The following FSTL4 variants were observed in gnomAD, a reference collection of about 807,000 sequenced individuals.
FSTL4 encodes follistatin like 4.
Under a neutral mutation model 78.2 loss-of-function variants are expected in FSTL4, and 28 were observed. The ratio of observed to expected loss-of-function variants is 0.36; its 90% CI spans 0.27 to 0.49. The LOEUF (loss-of-function observed/expected upper bound fraction) is 0.49, where lower values mean the gene tolerates loss of function less well. Ranked by LOEUF, FSTL4 falls within the 20% of genes least tolerant of loss-of-function variation. The probability of loss-of-function intolerance (pLI) is 0.98; values close to 1 mark genes in which losing one functional copy is unlikely to be tolerated. For missense variants in FSTL4, 922 were observed against 1,084.9 expected, an observed-to-expected ratio of 0.85 and a Z score of 2.11; for synonymous variants, 422 against 440.5, an observed-to-expected ratio of 0.96 and a Z score of 0.53.
rs1327750836 is a variant in FSTL4 at position 133,225,682 on chromosome 5, T to C, written c.1153A>G (p.Met385Val). The change falls in exon 9 of 16, where the codon ATG (methionine) becomes GTG (valine). Residue 385 changes from methionine to valine, a missense_variant. Coordinates refer to ENST00000265342, the MANE Select transcript of FSTL4 (RefSeq NM_015082.2). The surrounding 1 kb of genome is among the most constrained non-coding windows in gnomAD (Gnocchi z 4.6). ...CCTAAAAGGGAGAGCTGTTTGGACA[T>C]CTGAGTTGAGACATCCACGCCGTTT... ...LKNGVDVSTQ[M>V]SKQLSLLANG... is the part of the protein sequence containing the mutation. 1 of 1,607,286 alleles carries C rather than the reference T, an allele frequency of 6.2e-7. No individual in the cohort carries two copies. Among genetic ancestry groups the C allele is most frequent in the Admixed American group, 1.7e-5 (1 of 58,962 alleles).
At chr5:133,706,608 T>G in the FSTL4 span, among the ~76,000 whole-genome samples, 1 of 152,232 alleles carries the variant, frequency 6.6e-6, no homozygotes, top group East Asian at 1.9e-4. Context: ...GTGACAGACC[T>G]TTCCAACTGC....
the FSTL4 span, among the ~76,000 whole-genome samples, chr5:133,686,461 T>A: frequency 6.6e-6 from 1 of 152,246 alleles, no homozygotes. Flanking sequence ...CACGAATCAG[T>A]CAGGCCCATC....
chr5:133,679,869 A>T, the FSTL4 span, among the ~76,000 whole-genome samples: 1 of 151,994 alleles, frequency 6.6e-6, no homozygotes, highest in African/African-American at 2.4e-5. Context: ...TACCCCTGGC[A>T]CTATACCTCC....
At chr5:133,776,562 C>T in the FSTL4 span, among the ~76,000 whole-genome samples, 1 of 152,222 alleles carries the variant, frequency 6.6e-6, no homozygotes, top group East Asian at 1.9e-4. Context: ...TATCTTTTTT[C>T]CTGGTAAGAT....
chr5:133,523,428 AAGGGAAAACCAGCCAGC>A (rs1759026210), intron 3 of FSTL4, among the ~76,000 whole-genome samples: 1 of 152,076 alleles, frequency 6.6e-6, no homozygotes, highest in African/African-American at 2.4e-5. Flanking sequence ...GTGGGAGAGA[AAGGGAAAACCAGCCAGC>A]AGGGAAAACC....
intron 2 of FSTL4, among the ~76,000 whole-genome samples, chr5:133,577,192 G>A (rs1348489734): frequency 2.6e-5 from 4 of 152,196 alleles, no homozygotes; most frequent in South Asian, 4.1e-4. Flanking sequence ...CCCTAAACCC[G>A]GGGCTAGTTT....
At chr5:133,674,026 A>G in the FSTL4 span, among the ~76,000 whole-genome samples, 1 of 152,218 alleles carries the variant, frequency 6.6e-6, no homozygotes, top group Non-Finnish European at 1.5e-5. Flanking sequence ...AATCACTGAA[A>G]TGATAATTAC....
chr5:133,259,530 T>C (rs1163679045), intron 6 of FSTL4, among the ~76,000 whole-genome samples: 2 of 150,704 alleles, frequency 1.3e-5, no homozygotes, highest in Non-Finnish European at 3.0e-5. Context: ...TTTTTTTTTT[T>C]TTTTTTGAGG....
At chr5:133,599,978 T>A (rs540521025) in intron 2 of FSTL4, among the ~76,000 whole-genome samples, 1 of 152,162 alleles carries the variant, frequency 6.6e-6, no homozygotes, top group Admixed American at 6.5e-5. Context: ...GTTCCTTGGT[T>A]CCCCCTCAAA....
At chr5:133,713,496 AT>A in the FSTL4 span, among the ~76,000 whole-genome samples, 2 of 152,206 alleles carry the variant, frequency 1.3e-5, no homozygotes, top group African/African-American at 4.8e-5. Flanking sequence ...AGAACTTGAG[AT>A]TGAAAGAGGG....
chr5:133,387,006 A>C (rs1420673399), intron 4 of FSTL4, among the ~76,000 whole-genome samples: 3 of 152,042 alleles, frequency 2.0e-5, no homozygotes, highest in South Asian at 2.1e-4. Flanking sequence ...CCTTTAGGGG[A>C]GTGAGAGTTT....
chr5:133,238,993 G>A (rs933119495), intron 7 of FSTL4, among the ~76,000 whole-genome samples: 1 of 152,230 alleles, frequency 6.6e-6, no homozygotes, highest in African/African-American at 2.4e-5. Context: ...GGTGTGGAGA[G>A]GCGCGGGCGG....
At chr5:133,420,612 A>C (rs1229660630) in intron 3 of FSTL4, among the ~76,000 whole-genome samples, 1 of 152,136 alleles carries the variant, frequency 6.6e-6, no homozygotes, top group East Asian at 1.9e-4. Flanking sequence ...CCTGACCTCA[A>C]ATGATGGTGC....
chr5:133,593,260 C>T (rs1437071252), intron 2 of FSTL4, among the ~76,000 whole-genome samples: 2 of 152,072 alleles, frequency 1.3e-5, no homozygotes, highest in Non-Finnish European at 2.9e-5. Flanking sequence ...AATGAGCACC[C>T]ACATCCTCTA....
intron 6 of FSTL4, chr5:133,312,420 G>A: frequency 1.8e-6 from 1 of 550,132 alleles, no homozygotes; most frequent in South Asian, 2.2e-5. Context: ...GCCCCTCAAA[G>A]AGCGAGAAAA....
intron 6 of FSTL4, among the ~76,000 whole-genome samples, chr5:133,289,921 G>T (rs1366334679): frequency 6.6e-6 from 1 of 152,200 alleles, no homozygotes; most frequent in Non-Finnish European, 1.5e-5. Flanking sequence ...GAAACAAAAA[G>T]AATCTTGTCT....
At chr5:133,444,370 GCAC>G (rs1002664047) in intron 3 of FSTL4, among the ~76,000 whole-genome samples, 3 of 152,118 alleles carry the variant, frequency 2.0e-5, no homozygotes, top group African/African-American at 7.2e-5. Context: ...GGGAGCTCCA[GCAC>G]CCTCCTTACC....
At chr5:133,417,411 A>G (rs898414161) in intron 3 of FSTL4, among the ~76,000 whole-genome samples, 4 of 152,200 alleles carry the variant, frequency 2.6e-5, no homozygotes, top group Non-Finnish European at 4.4e-5. Flanking sequence ...ACCAACATAC[A>G]TGTAATTGGA....
In FSTL4 at chr5:133,419,072, T is replaced by C. The variant is rs185507566; in HGVS notation, c.161-18086A>G. On this transcript the variant is annotated intron_variant, in intron 3 of 15. Transcript: ENST00000265342. The stretch of plus-strand genomic sequence containing the variant: ...TCGTTCATGTTATAGAATACATCGA[T>C]AGGTTTTAGCTTCATTAAAGTTTGC... Among the ~76,000 whole-genome samples the C allele has an allele frequency of 8.5e-4, 130 of 152,366 alleles. 1 individual carries two copies. The highest frequency in any genetic ancestry group is 3.0e-3 in the Admixed American group (46 of 15,306).
Sources: allele counts gnomAD v4.1 joint callset (sites outside exome capture counted in the v4.1 genomes callset), GRCh38; gene constraint gnomAD v4.1.1; non-coding constraint Gnocchi (gnomAD v3.1); transcripts MANE v1.5; gene names NCBI Gene and HGNC (gene_info 2026-07-23, HGNC 2026-07-21).